XYLT1: variants seen among roughly 807,000 people sequenced by gnomAD.
XYLT1 encodes the protein xylosyltransferase 1, also known as beta-D-xylosyltransferase 1.
XYLT1 carries 36 observed loss-of-function variants against 91.3 expected under a neutral mutation model. The ratio of observed to expected loss-of-function variants is 0.39; its 90% CI spans 0.30 to 0.52. The LOEUF (loss-of-function observed/expected upper bound fraction) is 0.52, where lower values mean the gene tolerates loss of function less well. Among genes scored for constraint, XYLT1 ranks in the 20% least tolerant of loss-of-function variants. The pLI, the probability that XYLT1 is intolerant of heterozygous loss-of-function variation, is 0.68. For synonymous variants in XYLT1, 588 were observed against 532.0 expected (o/e 1.11, Z -1.45); for missense variants, 1,242 against 1,284.5 (o/e 0.97, Z 0.51).
rs575638054 is a variant in XYLT1, at chr16:17,305,781, A to G, written c.403-46283T>C. Among the ~76,000 whole-genome samples, 113 of 152,062 alleles carry G rather than the reference A, an allele frequency of 7.4e-4. 2 individuals are homozygous for G. The highest frequency in any genetic ancestry group is 2.4e-3 in the African/African-American group (99 of 41,466). On this transcript the variant is annotated intron_variant, in intron 2 of 11. Transcript: ENST00000261381. ...ACTATAAGGACCCGGCAAACCCCAG[A>G]CTCTGACTTCCGGAGAACTTTATTT...
At chr16:17,140,015 G>A (rs1187508331) in intron 7 of XYLT1, among the ~76,000 whole-genome samples, 2 of 152,144 alleles carry the variant, frequency 1.3e-5, no homozygotes, top group African/African-American at 4.8e-5. Flanking sequence ...CATGAGAAAT[G>A]CCATAGACTC....
intron 3 of XYLT1, among the ~76,000 whole-genome samples, chr16:17,215,858 G>C (rs2032847692): frequency 6.6e-6 from 1 of 152,130 alleles, no homozygotes; most frequent in Non-Finnish European, 1.5e-5. Context: ...GCCGACAGCA[G>C]AGGCATCACA....
At chr16:17,126,473 T>C (rs998248445) in intron 10 of XYLT1, among the ~76,000 whole-genome samples, 4 of 152,208 alleles carry the variant, frequency 2.6e-5, no homozygotes, top group Admixed American at 1.3e-4. Flanking sequence ...GGAGTCTTAA[T>C]TGAAAACAGT....
chr16:17,346,127 TA>T (rs1224499277), intron 2 of XYLT1, among the ~76,000 whole-genome samples: 1 of 152,128 alleles, frequency 6.6e-6, no homozygotes, highest in Non-Finnish European at 1.5e-5. Flanking sequence ...GACCATTTTT[TA>T]AAGAAACTGA....
At chr16:17,376,510 G>C (rs760795735) in intron 1 of XYLT1, among the ~76,000 whole-genome samples, 1 of 152,088 alleles carries the variant, frequency 6.6e-6, no homozygotes. Context: ...AAACAGATTT[G>C]GTGACTTGTC....
chr16:17,140,666 A>C (rs2030945318), intron 7 of XYLT1, among the ~76,000 whole-genome samples: 2 of 33,104 alleles, frequency 6.0e-5, no homozygotes, highest in South Asian at 7.1e-4. Context: ...CTCAAAAAAA[A>C]AAAAAAAAAA....
chr16:17,296,491 G>T (rs1257174338), intron 2 of XYLT1, among the ~76,000 whole-genome samples: 1 of 152,162 alleles, frequency 6.6e-6, no homozygotes, highest in African/African-American at 2.4e-5. Flanking sequence ...CTCTGTTTGT[G>T]AATAATCAAA....
intron 1 of XYLT1, among the ~76,000 whole-genome samples, chr16:17,421,423 C>T (rs2036250289): frequency 6.6e-6 from 1 of 152,148 alleles, no homozygotes; most frequent in South Asian, 2.1e-4. Context: ...CTGGACAGGC[C>T]CTGTGACTGC....
chr16:17,155,878 T>C (rs1165719928), intron 6 of XYLT1, among the ~76,000 whole-genome samples: 1 of 152,100 alleles, frequency 6.6e-6, no homozygotes, highest in African/African-American at 2.4e-5. Context: ...CGGATGCACA[T>C]CAATTATACA....
chr16:17,139,963 A>G (rs933529693), intron 7 of XYLT1, among the ~76,000 whole-genome samples: 1 of 152,168 alleles, frequency 6.6e-6, no homozygotes. Context: ...CTGCAGAAAC[A>G]CACATAACCT....
rs1423677658 is a variant in XYLT1, at chr16:17,102,061, T to A, written c.*6634A>T. The A allele has an allele frequency of 6.6e-6, 1 of 152,188 alleles. No homozygotes were observed. The highest frequency in any genetic ancestry group is 1.5e-5 in the Non-Finnish European group (1 of 68,028). The allele number at this position is 152,188 out of a possible 1,614,324, so 9.4% of individuals were successfully genotyped here. A position where few individuals can be genotyped will look rare whatever the true frequency, so the allele number is the denominator to read the frequency against. On this transcript the variant is annotated 3_prime_UTR_variant, in exon 12 of 12. Transcript: ENST00000261381. The stretch of plus-strand genomic sequence containing the variant: ...CAACCAGGAGGTACTTATAGGAGGT[T>A]GTTGCTATAATCCAGTTAGAAGATG...
intron 1 of XYLT1, among the ~76,000 whole-genome samples, chr16:17,443,304 GCT>G (rs2036553398): frequency 6.6e-6 from 1 of 152,042 alleles, no homozygotes. Flanking sequence ...ATATGGTTTG[GCT>G]CTGTGTCCCC....
chr16:17,259,262 G>C lies in XYLT1; in HGVS notation c.639C>G (p.Pro213=). ...GKGHTFPGKG[P]GEVLPPGDRA... Reference sequence around the variant, plus strand: ...TGTCCCCGGGAGGCAGCACCTCACCGGGGCCTTTCCCAGGGAATGTATGTC... The same window carrying C: ...TGTCCCCGGGAGGCAGCACCTCACCCGGGCCTTTCCCAGGGAATGTATGTC... The change falls in exon 3 of 12, where the codon CCC becomes CCG. Residue 213 remains proline (P), a synonymous_variant. Coordinates refer to ENST00000261381, the MANE Select transcript of XYLT1 (RefSeq NM_022166.4). The C allele has an allele frequency of 1.2e-6, 2 of 1,614,078 alleles. No homozygotes were observed. Among genetic ancestry groups the C allele is most frequent in the Non-Finnish European group, 1.7e-6 (2 of 1,180,010 alleles).
At chr16:17,292,023 C>A (rs2034234791) in intron 2 of XYLT1, among the ~76,000 whole-genome samples, 1 of 151,490 alleles carries the variant, frequency 6.6e-6, no homozygotes, top group African/African-American at 2.4e-5. Context: ...ATCGTCTCTA[C>A]AAAAAAACCC....
chr16:17,380,931 T>A (rs150424703), intron 1 of XYLT1, among the ~76,000 whole-genome samples: 4 of 152,176 alleles, frequency 2.6e-5, no homozygotes, highest in Non-Finnish European at 2.9e-5. Flanking sequence ...TGATTCCACT[T>A]ATAGGAGGTA....
At chr16:17,367,000 C>A (rs1274761274) in intron 1 of XYLT1, among the ~76,000 whole-genome samples, 1 of 151,992 alleles carries the variant, frequency 6.6e-6, no homozygotes, top group Non-Finnish European at 1.5e-5. Context: ...GCTCCTCATA[C>A]TAGATGTTCT....
intron 2 of XYLT1, among the ~76,000 whole-genome samples, chr16:17,301,018 A>G (rs1333703484): frequency 6.6e-6 from 1 of 152,052 alleles, no homozygotes; most frequent in Non-Finnish European, 1.5e-5. Context: ...GAGCTTTAAT[A>G]GGAGTTAGTT....
intron 1 of XYLT1, among the ~76,000 whole-genome samples, chr16:17,418,237 C>G (rs537872384): frequency 1.3e-5 from 2 of 152,308 alleles, no homozygotes; most frequent in East Asian, 3.9e-4. Flanking sequence ...TCAGCTTGTA[C>G]ACACCTTAGG....
At chr16:17,421,871 T>C (rs116283284) in intron 1 of XYLT1, among the ~76,000 whole-genome samples, 234 of 152,272 alleles carry the variant, frequency 1.5e-3, no homozygotes, top group African/African-American at 5.3e-3. Context: ...CGAGTCTCAC[T>C]CAATCACCCA....
Sources: allele counts gnomAD v4.1 joint callset (sites outside exome capture counted in the v4.1 genomes callset), GRCh38; gene constraint gnomAD v4.1.1; transcripts MANE v1.5; gene names NCBI Gene and HGNC (gene_info 2026-07-23, HGNC 2026-07-21).